WWOX: variants seen among roughly 807,000 people sequenced by gnomAD.
WWOX encodes WW domain containing oxidoreductase.
Under a neutral mutation model 46.2 loss-of-function variants are expected in WWOX, and 69 were observed. The observed-to-expected ratio is 1.49, with a 90% CI of 1.23 to 1.82. The LOEUF is 1.82. WWOX is among the 40% of genes most tolerant of loss of function. The pLI is 0.00. For missense variants in WWOX, 919 were observed against 542.6 expected, an observed-to-expected ratio of 1.69 and a Z score of -6.89; for synonymous variants, 359 against 202.6, an observed-to-expected ratio of 1.77 and a Z score of -6.56.
At chr16:79,111,678 A>C (rs1163972522) in intron 8 of WWOX, among the ~76,000 whole-genome samples, 1 of 152,228 alleles carries the variant, frequency 6.6e-6, no homozygotes, top group Admixed American at 6.5e-5. Flanking sequence ...GAGGCAAATC[A>C]GCATGGGTAA....
At chr16:78,777,549 G>T (rs1333222854) in intron 8 of WWOX, among the ~76,000 whole-genome samples, 2 of 152,124 alleles carry the variant, frequency 1.3e-5, no homozygotes, top group East Asian at 3.9e-4. Flanking sequence ...GTGGTCAGCT[G>T]TTTACACTGA....
intron 5 of WWOX, among the ~76,000 whole-genome samples, chr16:78,310,106 G>A (rs2080211776): frequency 6.7e-6 from 1 of 149,282 alleles, no homozygotes; most frequent in East Asian, 2.0e-4. Flanking sequence ...ATCATCCATA[G>A]CTCTCTTGCC....
At chr16:78,780,203 C>G (rs1490010580) in intron 8 of WWOX, among the ~76,000 whole-genome samples, 1 of 152,128 alleles carries the variant, frequency 6.6e-6, no homozygotes, top group Non-Finnish European at 1.5e-5. Context: ...TCTTCTCCTT[C>G]CAAGAAAAAA....
intron 8 of WWOX, among the ~76,000 whole-genome samples, chr16:79,022,683 C>T (rs1242660983): frequency 2.0e-5 from 3 of 152,102 alleles, no homozygotes; most frequent in Non-Finnish European, 2.9e-5. Flanking sequence ...AAATGATATG[C>T]ACTGATGTAA....
At chr16:78,387,161 C>T (rs1214358009) in intron 6 of WWOX, among the ~76,000 whole-genome samples, 1 of 152,126 alleles carries the variant, frequency 6.6e-6, no homozygotes, top group Non-Finnish European at 1.5e-5. Context: ...TAACAGCTTC[C>T]CACATACCAA....
intron 8 of WWOX, among the ~76,000 whole-genome samples, chr16:78,681,719 A>G (rs1231898525): frequency 1.3e-5 from 2 of 152,174 alleles, no homozygotes; most frequent in Non-Finnish European, 2.9e-5. Context: ...TAATTACCTG[A>G]AGTGAATGGG....
rs145552163 is a variant in WWOX at position 78,359,815 on chromosome 16, G to T, written c.517-27045G>T. ...GCATGATGCCATTCCCATCTGGGAT[G>T]AACAGGGAAGACTTCCTGGGAGAGG... is the stretch of plus-strand genomic sequence containing the variant. On this transcript the variant is annotated intron_variant, in intron 5 of 8. Coordinates refer to ENST00000566780, the MANE Select transcript of WWOX (RefSeq NM_016373.4). 4.5e-3 allele frequency among the ~76,000 whole-genome samples: 679 copies of T among 152,318 alleles called. 4 individuals carry two copies. Among genetic ancestry groups the T allele is most frequent in the Middle Eastern group, 0.014 (4 of 294 alleles).
chr16:78,644,748 C>A lies in WWOX; in HGVS notation c.1056+211996C>A, dbSNP rs553302837. ...AAAGTGCTGGGATTACAGGCGTGAG[C>A]CACTGTGCCCAGCCAAACCTCGGCA... On this transcript the variant is annotated intron_variant, in intron 8 of 8. Coordinates refer to ENST00000566780, the MANE Select transcript of WWOX (RefSeq NM_016373.4). Among the ~76,000 whole-genome samples the A allele has an allele frequency of 7.2e-5, 11 of 152,316 alleles. No homozygotes were observed. In the South Asian group the frequency reaches 2.1e-3, roughly 29 times the overall value.
intron 4 of WWOX, among the ~76,000 whole-genome samples, chr16:78,161,914 A>G (rs1196572799): frequency 1.3e-5 from 2 of 152,158 alleles, no homozygotes; most frequent in Admixed American, 6.5e-5. Flanking sequence ...CTCACCTCCT[A>G]GGTTAAGCAT....
At chr16:78,689,156 C>A (rs373935548) in intron 8 of WWOX, among the ~76,000 whole-genome samples, 20 of 152,156 alleles carry the variant, frequency 1.3e-4, no homozygotes, top group Admixed American at 5.9e-4. Context: ...AGGACTCCCA[C>A]CCTCTACTTC....
chr16:79,040,567 G>T (rs1482505063), intron 8 of WWOX, among the ~76,000 whole-genome samples: 5 of 152,030 alleles, frequency 3.3e-5, no homozygotes, highest in Non-Finnish European at 7.4e-5. Flanking sequence ...TCAGCCACTG[G>T]GCCTGGCCTG....
intron 6 of WWOX, among the ~76,000 whole-genome samples, chr16:78,404,964 A>C (rs968785388): frequency 5.3e-5 from 8 of 152,228 alleles, no homozygotes; most frequent in African/African-American, 1.9e-4. Flanking sequence ...CACAATTATC[A>C]AATGGATGCA....
intron 8 of WWOX, among the ~76,000 whole-genome samples, chr16:79,207,943 C>T (rs2051574863): frequency 6.6e-6 from 1 of 152,140 alleles, no homozygotes; most frequent in Non-Finnish European, 1.5e-5. Context: ...TTAACATTTT[C>T]ATCCCAACAC....
intron 8 of WWOX, among the ~76,000 whole-genome samples, chr16:78,746,747 G>C (rs2049356597): frequency 6.6e-6 from 1 of 152,038 alleles, no homozygotes; most frequent in Admixed American, 6.6e-5. Flanking sequence ...AAACAGACCT[G>C]AATCTGACTT....
intron 4 of WWOX, among the ~76,000 whole-genome samples, chr16:78,162,355 T>A (rs754388127): frequency 6.6e-6 from 1 of 152,170 alleles, no homozygotes; most frequent in Non-Finnish European, 1.5e-5. Flanking sequence ...TTTAGCAGTT[T>A]TACTCTGATG....
intron 8 of WWOX, among the ~76,000 whole-genome samples, chr16:78,917,469 C>T (rs564042970): frequency 2.0e-5 from 3 of 151,464 alleles, no homozygotes; most frequent in South Asian, 4.2e-4. Flanking sequence ...CTACCTACCC[C>T]GAGAGCTGGC....
chr16:79,034,233 C>T (rs1163265690), intron 8 of WWOX, among the ~76,000 whole-genome samples: 1 of 152,176 alleles, frequency 6.6e-6, no homozygotes, highest in Admixed American at 6.6e-5. Flanking sequence ...AAGCCTCATG[C>T]CCAATGTAAA....
intron 8 of WWOX, among the ~76,000 whole-genome samples, chr16:78,562,409 G>A (rs926618450): frequency 2.0e-5 from 3 of 152,178 alleles, no homozygotes; most frequent in African/African-American, 7.2e-5. Context: ...CACACTCCAG[G>A]AATGTATCTG....
chr16:79,116,404 T>C (rs2049516587), intron 8 of WWOX, among the ~76,000 whole-genome samples: 1 of 152,212 alleles, frequency 6.6e-6, no homozygotes, highest in Admixed American at 6.5e-5. Flanking sequence ...ATCAGTTAAG[T>C]TTATGGAATA....
Sources: gnomAD v4.1 joint callset for allele counts (sites outside exome capture counted in the v4.1 genomes callset) on GRCh38, gnomAD v4.1.1 for gene constraint, MANE v1.5 for transcripts, NCBI Gene and HGNC (gene_info 2026-07-23, HGNC 2026-07-21) for gene names.